The following MARCHF3 variants were observed in gnomAD, a reference collection of about 807,000 sequenced individuals.
The protein encoded by MARCHF3 is membrane associated ring-CH-type finger 3.
A neutral mutation model predicts 24.2 loss-of-function variants in MARCHF3; 13 were observed. That is an observed-to-expected ratio of 0.54 (90% confidence interval 0.35 to 0.85). The LOEUF (loss-of-function observed/expected upper bound fraction) is 0.85, where lower values mean the gene tolerates loss of function less well. MARCHF3 is among the 40% of genes least tolerant of loss of function. MARCHF3 has a pLI of 0.01. For synonymous variants in MARCHF3, 144 were observed against 137.3 expected (o/e 1.05, Z -0.34); for missense variants, 276 against 325.0 (o/e 0.85, Z 1.16).
At chr5:126,929,956 A>C (rs1749427451) in intron 1 of MARCHF3, among the ~76,000 whole-genome samples, 1 of 152,168 alleles carries the variant, frequency 6.6e-6, no homozygotes. Context: ...CATGATTGTG[A>C]GGCCTCCCCA....
intron 3 of MARCHF3, among the ~76,000 whole-genome samples, chr5:126,896,500 T>G (rs1753922592): frequency 6.6e-6 from 1 of 152,104 alleles, no homozygotes; most frequent in Non-Finnish European, 1.5e-5. Context: ...CATTTTTAGC[T>G]TGAGTGATCC....
intron 1 of MARCHF3, among the ~76,000 whole-genome samples, chr5:126,990,077 C>T (rs1219551503): frequency 0.011 from 40 of 3,550 alleles, no homozygotes; most frequent in Admixed American, 0.057. Context: ...AAAAAGAGCC[C>T]CCATTTAACA....
intron 1 of MARCHF3, among the ~76,000 whole-genome samples, chr5:127,028,642 C>T (rs1159946594): frequency 6.6e-6 from 1 of 150,862 alleles, no homozygotes; most frequent in Non-Finnish European, 1.5e-5. Context: ...TTCTGATATA[C>T]ATGCCATACT....
chr5:126,976,696 A>C (rs1034844), intron 1 of MARCHF3, among the ~76,000 whole-genome samples: 84,154 of 151,986 alleles, frequency 0.55, 24,089 homozygotes, highest in East Asian at 0.79. Flanking sequence ...CTGAAATGAC[A>C]CAATTTCCTT....
intron 1 of MARCHF3, among the ~76,000 whole-genome samples, chr5:126,990,198 G>A (rs1033320946): frequency 1.3e-5 from 2 of 150,920 alleles, no homozygotes; most frequent in Non-Finnish European, 1.5e-5. Context: ...CCAAAACAGA[G>A]ATATAGACCA....
chr5:126,905,052 C>A (rs1434611140), intron 3 of MARCHF3, among the ~76,000 whole-genome samples: 2 of 86,170 alleles, frequency 2.3e-5, no homozygotes, highest in African/African-American at 4.6e-5. Flanking sequence ...GTTTTCCCAG[C>A]ACCATTTATT....
intron 3 of MARCHF3, chr5:126,899,127 C>T (rs1253553846): frequency 1.1e-5 from 11 of 985,200 alleles, no homozygotes; most frequent in African/African-American, 1.7e-5. Flanking sequence ...AATCTCACAG[C>T]GTTCCTATCT....
intron 1 of MARCHF3, among the ~76,000 whole-genome samples, chr5:126,958,653 ATTC>A (rs1561446827): frequency 6.6e-6 from 1 of 152,186 alleles, no homozygotes; most frequent in Non-Finnish European, 1.5e-5. Flanking sequence ...GGTACTGAAT[ATTC>A]TTCTAGTTAA....
chr5:126,957,884 C>G (rs1272406598), intron 1 of MARCHF3, among the ~76,000 whole-genome samples: 1 of 151,984 alleles, frequency 6.6e-6, no homozygotes, highest in African/African-American at 2.4e-5. Flanking sequence ...TTGTGTCTTG[C>G]AAATATTTAG....
At chr5:126,885,414 A>T in intron 3 of MARCHF3, among the ~76,000 whole-genome samples, 1 of 152,062 alleles carries the variant, frequency 6.6e-6, no homozygotes, top group East Asian at 1.9e-4. Context: ...CTAAAAATAC[A>T]AAATGATCCA....
chr5:127,000,712 T>C (rs1356334426), intron 1 of MARCHF3, among the ~76,000 whole-genome samples: 1 of 152,136 alleles, frequency 6.6e-6, no homozygotes, highest in East Asian at 1.9e-4. Flanking sequence ...ATTTATTTAT[T>C]TTTTGAGACA....
At chr5:126,924,018 C>T (rs765566584) in intron 1 of MARCHF3, among the ~76,000 whole-genome samples, 21 of 151,992 alleles carry the variant, frequency 1.4e-4, no homozygotes, top group African/African-American at 3.9e-4. Flanking sequence ...CATCTCAAAT[C>T]CTACTTTACA....
intron 1 of MARCHF3, among the ~76,000 whole-genome samples, chr5:126,986,875 G>T (rs886464016): frequency 1.3e-5 from 2 of 152,180 alleles, no homozygotes; most frequent in African/African-American, 4.8e-5. Flanking sequence ...ATTGGGAGAT[G>T]AACATCATGA....
intron 1 of MARCHF3, among the ~76,000 whole-genome samples, chr5:126,998,026 T>C (rs1251885216): frequency 6.6e-6 from 1 of 152,192 alleles, no homozygotes; most frequent in Non-Finnish European, 1.5e-5. Context: ...AAAAAGAGAA[T>C]ATTACCCTAT....
At chr5:127,020,826 G>A (rs1225814003) in intron 1 of MARCHF3, among the ~76,000 whole-genome samples, 2 of 151,848 alleles carry the variant, frequency 1.3e-5, no homozygotes, top group East Asian at 3.8e-4. Context: ...TCCAGCCTGG[G>A]CAACACGGCG....
rs549678179 is a variant in MARCHF3 at position 126,913,901 on chromosome 5, G to A, written c.393+1029C>T. Reference sequence around the variant, plus strand: ...AGGTTAGGAGCAGGTCTGAATCATAGATACAATGTTTTGGCTCCCTTCAGC... The same window carrying A: ...AGGTTAGGAGCAGGTCTGAATCATAAATACAATGTTTTGGCTCCCTTCAGC... On this transcript the variant is annotated intron_variant, in intron 3 of 4. Coordinates refer to ENST00000308660, the MANE Select transcript of MARCHF3 (RefSeq NM_178450.5). 6.6e-5 allele frequency among the ~76,000 whole-genome samples: 10 copies of A among 151,012 alleles called. No individual in the cohort carries two copies. In the East Asian group the frequency reaches 2.0e-3, roughly 30 times the overall value.
chr5:126,917,991 T>A lies in MARCHF3; in HGVS notation c.181A>T (p.Thr61Ser), dbSNP rs1748955480. The A allele has an allele frequency of 1.2e-6, 2 of 1,613,658 alleles. No homozygotes were observed. The highest frequency in any genetic ancestry group is 2.2e-5 in the South Asian group (2 of 91,006). Residue 61 changes from threonine to serine, a missense_variant, in exon 2 of 5, where the codon ACC becomes TCC. Thr to Ser is a moderately conservative substitution (Grantham distance 58, BLOSUM62 1). Coordinates refer to ENST00000308660, the MANE Select transcript of MARCHF3 (RefSeq NM_178450.5). The part of the protein sequence containing the change: ...LLSTVVRTLA[T>S]QSPFNDRPMC... The stretch of plus-strand genomic sequence containing the variant: ...TTTTAATTGTGGTACTACCTCTGGG[T>A]GGCAAGAGTCCGCACTACTGTTGAC...
At position 126,993,121 on chromosome 5, in the gene MARCHF3, A is replaced by G. The variant is rs1348101846; in HGVS notation, c.-57+37229T>C. On this transcript the variant is annotated intron_variant, in intron 1 of 4. Coordinates refer to ENST00000308660, the MANE Select transcript of MARCHF3 (RefSeq NM_178450.5). ...ACCATCATGATCCACAATAGGCTACAGAAAGACGAGCCCTCCAACTCAAAT... is the reference window on the plus strand; with the variant it reads ...ACCATCATGATCCACAATAGGCTACGGAAAGACGAGCCCTCCAACTCAAAT... Among the ~76,000 whole-genome samples the G allele has an allele frequency of 2.6e-5, 4 of 152,276 alleles. No homozygotes were observed. In the East Asian group the frequency reaches 7.7e-4, roughly 29 times the overall value.
rs114440499 is a variant in MARCHF3 at position 126,871,065 on chromosome 5, G to A, written c.604-274C>T. ...CCGGGTAAATTCAGGATATAAATGG[G>A]AAAATGAGGTTATTTCTGAGTTTGG... On this transcript the variant is annotated intron_variant, in intron 4 of 4. Coordinates refer to ENST00000308660, the MANE Select transcript of MARCHF3 (RefSeq NM_178450.5). Among the ~76,000 whole-genome samples, 454 of 152,306 alleles carry A rather than the reference G, an allele frequency of 3.0e-3. 6 individuals carry two copies. The highest frequency in any genetic ancestry group is 0.01 in the African/African-American group (436 of 41,544).
Sources: gnomAD v4.1 joint callset for allele counts (sites outside exome capture counted in the v4.1 genomes callset) on GRCh38, gnomAD v4.1.1 for gene constraint, MANE v1.5 for transcripts, NCBI Gene and HGNC (gene_info 2026-07-23, HGNC 2026-07-21) for gene names.